CFAP20DC: variants seen among roughly 807,000 people sequenced by gnomAD.
CFAP20DC encodes the protein protein CFAP20DC.
Under a neutral mutation model 101.7 loss-of-function variants are expected in CFAP20DC, and 84 were observed. The ratio of observed to expected loss-of-function variants is 0.83; its 90% CI spans 0.69 to 0.99. The LOEUF (loss-of-function observed/expected upper bound fraction) is 0.99, where lower values mean the gene tolerates loss of function less well. CFAP20DC is among the 50% of genes least tolerant of loss of function. The pLI is 0.00. For missense variants in CFAP20DC, 1,007 were observed against 970.3 expected, an observed-to-expected ratio of 1.04 and a Z score of -0.50; for synonymous variants, 359 against 351.2, an observed-to-expected ratio of 1.02 and a Z score of -0.25.
At chr3:58,790,110 T>G (rs2072725972) in intron 15 of CFAP20DC, among the ~76,000 whole-genome samples, 1 of 152,186 alleles carries the variant, frequency 6.6e-6, no homozygotes, top group Admixed American at 6.5e-5. Context: ...GCTCAATGAA[T>G]GATCCCACAG....
At chr3:59,022,004 C>A (rs115181974) in intron 4 of CFAP20DC, among the ~76,000 whole-genome samples, 1,783 of 152,082 alleles carry the variant, frequency 0.012, 33 homozygotes, top group African/African-American at 0.041. Flanking sequence ...TTTTGCCTTG[C>A]TAATCCTGAC....
At chr3:58,879,771 C>T (rs1384435654) in intron 7 of CFAP20DC, among the ~76,000 whole-genome samples, 1 of 151,562 alleles carries the variant, frequency 6.6e-6, no homozygotes, top group African/African-American at 2.4e-5. Flanking sequence ...TTATTAGAGC[C>T]CCGAGTTCAC....
intron 15 of CFAP20DC, among the ~76,000 whole-genome samples, chr3:58,770,436 G>A (rs2070735294): frequency 5.3e-5 from 8 of 152,322 alleles, no homozygotes; most frequent in African/African-American, 1.4e-4. Context: ...ATATTTATAA[G>A]AGAGTGAAGT....
chr3:58,934,773 G>C (rs7651376), intron 5 of CFAP20DC, among the ~76,000 whole-genome samples: 3,384 of 152,178 alleles, frequency 0.022, 113 homozygotes, highest in African/African-American at 0.075. Flanking sequence ...GGACATATCT[G>C]AAAATAATAA....
At chr3:58,815,962 G>T (rs2075092277) in intron 14 of CFAP20DC, among the ~76,000 whole-genome samples, 1 of 151,610 alleles carries the variant, frequency 6.6e-6, no homozygotes, top group Non-Finnish European at 1.5e-5. Flanking sequence ...CGACTCCTCA[G>T]GGATCTAGAA....
chr3:58,904,099 C>T (rs2083389204), intron 6 of CFAP20DC, among the ~76,000 whole-genome samples: 1 of 152,128 alleles, frequency 6.6e-6, no homozygotes, highest in Non-Finnish European at 1.5e-5. Context: ...ATTAAATCTT[C>T]TAATCCATGC....
At chr3:58,893,096 T>G (rs1259988964) in intron 6 of CFAP20DC, among the ~76,000 whole-genome samples, 1 of 149,222 alleles carries the variant, frequency 6.7e-6, no homozygotes, top group Non-Finnish European at 1.5e-5. Flanking sequence ...CAGGCTGGAG[T>G]GCAGTGGTGC....
intron 4 of CFAP20DC, among the ~76,000 whole-genome samples, chr3:58,967,896 G>GT: frequency 6.6e-6 from 1 of 152,116 alleles, no homozygotes; most frequent in East Asian, 1.9e-4. Flanking sequence ...AGTGTCTGTT[G>GT]TTTCCTTCTT....
chr3:58,737,870 C>T (rs9850287), downstream of CFAP20DC, among the ~76,000 whole-genome samples: 8 of 152,106 alleles, frequency 5.3e-5, no homozygotes, highest in Middle Eastern at 6.8e-3. The surrounding 1 kb of genome is among the most constrained non-coding windows in gnomAD (Gnocchi z 4.1). Context: ...ACCTCTGTTC[C>T]GGGTTTGTGA....
At chr3:58,939,669 A>C (rs993617842) in intron 4 of CFAP20DC, among the ~76,000 whole-genome samples, 1 of 151,584 alleles carries the variant, frequency 6.6e-6, no homozygotes, top group African/African-American at 2.4e-5. Flanking sequence ...GATGTTAGTC[A>C]GGATGGTCTC....
At chr3:58,811,673 G>A (rs1406335252) in intron 14 of CFAP20DC, among the ~76,000 whole-genome samples, 8 of 151,924 alleles carry the variant, frequency 5.3e-5, no homozygotes, top group East Asian at 1.9e-4. Context: ...AAACACCAAA[G>A]TCAATGGCAA....
chr3:58,764,184 C>G (rs2070017898), intron 15 of CFAP20DC, among the ~76,000 whole-genome samples: 1 of 152,160 alleles, frequency 6.6e-6, no homozygotes, highest in Non-Finnish European at 1.5e-5. Context: ...TGGGCTCCAC[C>G]CAGTTTGAGC....
intron 5 of CFAP20DC, among the ~76,000 whole-genome samples, chr3:58,918,837 G>A (rs1251977019): frequency 3.3e-5 from 5 of 152,068 alleles, no homozygotes; most frequent in Non-Finnish European, 4.4e-5. Flanking sequence ...TTATAAAATG[G>A]TGATAATAAT....
chr3:58,970,740 C>T (rs2091901759), intron 4 of CFAP20DC: 1 of 152,126 alleles, frequency 6.6e-6, no homozygotes, highest in African/African-American at 2.4e-5. Flanking sequence ...ATAATAACAT[C>T]TGTCCTTCCA....
rs1419447952 is a variant in CFAP20DC at position 58,746,939 on chromosome 3, G to GT, written c.2333-4368dup. Reference sequence around the variant, plus strand: ...ATCATTACGCAATTACCACTATGATGTCAAGCATTGGGAAATGTTTTGAAA... The same window carrying GT: ...ATCATTACGCAATTACCACTATGATGTTCAAGCATTGGGAAATGTTTTGAAA... On this transcript the variant is annotated intron_variant, in intron 16 of 16. Transcript: ENST00000482387. Among the ~76,000 whole-genome samples the GT allele has an allele frequency of 3.9e-5, 6 of 152,264 alleles. No individual in the cohort carries two copies. The East Asian group carries it at 1.2e-3, about 29-fold the overall frequency.
chr3:58,783,617 T>C (rs1408961359), intron 15 of CFAP20DC, among the ~76,000 whole-genome samples: 1 of 151,864 alleles, frequency 6.6e-6, no homozygotes, highest in Non-Finnish European at 1.5e-5. Flanking sequence ...AATTATCCCA[T>C]TAAAACATGT....
chr3:58,906,997 G>A (rs1484488804), intron 6 of CFAP20DC, among the ~76,000 whole-genome samples: 1 of 152,088 alleles, frequency 6.6e-6, no homozygotes, highest in Non-Finnish European at 1.5e-5. Flanking sequence ...CTAAACAGTG[G>A]CTATGGACAG....
intron 15 of CFAP20DC, among the ~76,000 whole-genome samples, chr3:58,794,782 T>C (rs1030540223): frequency 1.3e-5 from 2 of 152,182 alleles, no homozygotes; most frequent in Admixed American, 1.3e-4. Flanking sequence ...TGACATGCAG[T>C]GTGGACCTGG....
intron 4 of CFAP20DC, among the ~76,000 whole-genome samples, chr3:58,987,551 A>G (rs1164667452): frequency 2.0e-5 from 3 of 152,032 alleles, no homozygotes; most frequent in African/African-American, 7.2e-5. Context: ...GAACAGACCA[A>G]TGAAATGCAA....
Sources: gnomAD v4.1 joint callset for allele counts (sites outside exome capture counted in the v4.1 genomes callset) on GRCh38, gnomAD v4.1.1 for gene constraint, Gnocchi (gnomAD v3.1) non-coding constraint, MANE v1.5 for transcripts, NCBI Gene and HGNC (gene_info 2026-07-23, HGNC 2026-07-21) for gene names.